Variants in PPFIA2 observed in about 807,000 individuals in gnomAD.
PPFIA2 encodes PPFI scaffold protein A2.
PPFIA2 carries 46 observed loss-of-function variants against 175.5 expected under a neutral mutation model. The observed-to-expected ratio is 0.26, with a 90% CI of 0.21 to 0.34. The LOEUF is 0.34. PPFIA2 is among the 10% of genes least tolerant of loss of function. The pLI is 1.00. For missense variants in PPFIA2, 1,179 were observed against 1,506.1 expected (o/e 0.78, Z 3.60); for synonymous variants, 568 against 511.4 (o/e 1.11, Z -1.49).
chr12:81,290,447 C>G (rs368416916), intron 24 of PPFIA2, among the ~76,000 whole-genome samples: 51 of 151,764 alleles, frequency 3.4e-4, no homozygotes, highest in African/African-American at 1.2e-3. Flanking sequence ...GAAGAGGAAA[C>G]ATTTAGTAGA....
At chr12:81,576,245 G>A (rs991519802) in intron 4 of PPFIA2, among the ~76,000 whole-genome samples, 37 of 151,716 alleles carry the variant, frequency 2.4e-4, no homozygotes, top group Non-Finnish European at 5.5e-4. Context: ...GATGTCTTGA[G>A]AAAATGACTT....
intron 3 of PPFIA2, among the ~76,000 whole-genome samples, chr12:81,750,235 C>T (rs1165560982): frequency 7.0e-6 from 1 of 143,584 alleles, no homozygotes; most frequent in Non-Finnish European, 1.6e-5. Context: ...TTTGCTGGGA[C>T]ACACCAAACA....
At chr12:81,651,179 C>T (rs912680853) in intron 4 of PPFIA2, among the ~76,000 whole-genome samples, 1 of 152,016 alleles carries the variant, frequency 6.6e-6, no homozygotes, top group East Asian at 1.9e-4. Flanking sequence ...GGATCTTCAG[C>T]ATAGGGGACA....
At chr12:81,278,018 C>G (rs543084685) in intron 27 of PPFIA2, among the ~76,000 whole-genome samples, 10 of 152,100 alleles carry the variant, frequency 6.6e-5, no homozygotes, top group Admixed American at 5.9e-4. Context: ...CAGGTTGACT[C>G]AGGAAAATGG....
intron 23 of PPFIA2, among the ~76,000 whole-genome samples, chr12:81,295,366 A>G (rs534934806): frequency 6.6e-6 from 1 of 152,240 alleles, no homozygotes; most frequent in African/African-American, 2.4e-5. Flanking sequence ...GAACGGCTAC[A>G]AGCCACATTT....
intron 3 of PPFIA2, among the ~76,000 whole-genome samples, chr12:81,691,056 G>GT (rs1267772097): frequency 6.6e-6 from 1 of 152,044 alleles, no homozygotes; most frequent in Non-Finnish European, 1.5e-5. Flanking sequence ...TGTCCCAAAG[G>GT]TAACATAGCC....
At chr12:81,418,014 T>G (rs2045613073) in intron 7 of PPFIA2, among the ~76,000 whole-genome samples, 1 of 151,868 alleles carries the variant, frequency 6.6e-6, no homozygotes, top group South Asian at 2.1e-4. Flanking sequence ...AAAGACTCTT[T>G]ATGCCAACCA....
rs148726844 is a variant in PPFIA2 at position 81,502,002 on chromosome 12, C to T, written c.304-44136G>A. 4.9e-3 allele frequency among the ~76,000 whole-genome samples: 747 copies of T among 152,198 alleles called. 8 individuals are homozygous for T. Among genetic ancestry groups the T allele is most frequent in the African/African-American group, 0.017 (713 of 41,522 alleles). On this transcript the variant is annotated intron_variant, in intron 4 of 32. Coordinates refer to ENST00000549396, the MANE Select transcript of PPFIA2 (RefSeq NM_003625.5). Reference sequence around the variant, plus strand: ...GGGCATTTTCTCTCAGAAAAAGGGACGTGCAGTTTTCGGAACACTTCTCTG... The same window carrying T: ...GGGCATTTTCTCTCAGAAAAAGGGATGTGCAGTTTTCGGAACACTTCTCTG...
chr12:81,367,246 AT>A, intron 13 of PPFIA2, 76 bp from the exon 14 acceptor site: 1 of 959,466 alleles, frequency 1.0e-6, no homozygotes, highest in Non-Finnish European at 1.4e-6. Flanking sequence ...TTAATATCTT[AT>A]CACTCAAGAA....
rs1595663634 is a variant in PPFIA2 at position 81,367,164 on chromosome 12, A to G, written c.1489T>C (p.Leu497=). 1 of 1,411,760 alleles carries G rather than the reference A, an allele frequency of 7.1e-7. No homozygotes were observed. Among genetic ancestry groups the G allele is most frequent in the African/African-American group, 1.5e-5 (1 of 68,200 alleles). The allele number at this position is 1,411,760 out of a possible 1,614,324, so 87.5% of individuals were successfully genotyped here. The change falls in exon 14 of 33, where the codon TTA becomes CTA. Residue 497 remains leucine (L), a synonymous_variant. Coordinates refer to ENST00000549396, the MANE Select transcript of PPFIA2 (RefSeq NM_003625.5). ...RMAALEEKNV[L]IQESETFRKN... ...CTGAAAGTTTCTGATTCTTGAATTAAAACATTCTAAAGAAAAGAAAATAGC... is the reference window on the plus strand; with the variant it reads ...CTGAAAGTTTCTGATTCTTGAATTAGAACATTCTAAAGAAAAGAAAATAGC...
intron 8 of PPFIA2, among the ~76,000 whole-genome samples, chr12:81,395,425 C>G (rs2040940879): frequency 6.6e-6 from 1 of 151,964 alleles, no homozygotes; most frequent in Non-Finnish European, 1.5e-5. Flanking sequence ...CAGTAAAAAT[C>G]TTGTTGGGGC....
At chr12:81,385,741 A>G (rs1301542399) in intron 8 of PPFIA2, among the ~76,000 whole-genome samples, 1 of 152,172 alleles carries the variant, frequency 6.6e-6, no homozygotes, top group Non-Finnish European at 1.5e-5. Flanking sequence ...GGGAGATGTT[A>G]GTCAAAGAGT....
At chr12:81,592,536 G>A (rs889128053) in intron 4 of PPFIA2, among the ~76,000 whole-genome samples, 5 of 152,186 alleles carry the variant, frequency 3.3e-5, no homozygotes, top group Admixed American at 1.3e-4. Context: ...ATGGTGGTGG[G>A]TCTTTCCTTT....
At chr12:81,590,907 G>A (rs1318644933) in intron 4 of PPFIA2, among the ~76,000 whole-genome samples, 1 of 152,096 alleles carries the variant, frequency 6.6e-6, no homozygotes, top group African/African-American at 2.4e-5. Context: ...CCAGGAGTGG[G>A]GTATTGCTGA....
chr12:81,463,566 C>T (rs1191966889), intron 4 of PPFIA2, among the ~76,000 whole-genome samples: 2 of 152,048 alleles, frequency 1.3e-5, no homozygotes, highest in Non-Finnish European at 2.9e-5. Flanking sequence ...ACAACAGTAC[C>T]CTCAGCACGA....
chr12:81,565,336 C>A (rs2071063175), intron 4 of PPFIA2, among the ~76,000 whole-genome samples: 1 of 152,172 alleles, frequency 6.6e-6, no homozygotes, highest in African/African-American at 2.4e-5. Context: ...CAGCCTACAT[C>A]TTTCTCCCGT....
intron 4 of PPFIA2, among the ~76,000 whole-genome samples, chr12:81,586,525 A>G (rs2075327182): frequency 6.6e-6 from 1 of 151,866 alleles, no homozygotes; most frequent in Admixed American, 6.6e-5. Flanking sequence ...GGTAATTTTA[A>G]TATACATATT....
intron 24 of PPFIA2, among the ~76,000 whole-genome samples, chr12:81,286,367 C>T (rs778305836): frequency 1.3e-5 from 2 of 151,940 alleles, no homozygotes; most frequent in East Asian, 1.9e-4. Context: ...CCTAGGCCTT[C>T]GTATTCACTA....
intron 7 of PPFIA2, among the ~76,000 whole-genome samples, chr12:81,410,890 A>G (rs961091297): frequency 2.0e-4 from 30 of 152,126 alleles, no homozygotes; most frequent in African/African-American, 2.4e-5. Context: ...CAGAAAACAC[A>G]TGGAAGAGAT....
Sources: gnomAD v4.1 joint callset for allele counts (sites outside exome capture counted in the v4.1 genomes callset) on GRCh38, gnomAD v4.1.1 for gene constraint, MANE v1.5 for transcripts, NCBI Gene and HGNC (gene_info 2026-07-23, HGNC 2026-07-21) for gene names.